FMN1: variants seen among roughly 807,000 people sequenced by gnomAD.
The protein encoded by FMN1 is formin 1, also known as formin-1.
Under a neutral mutation model 132.4 loss-of-function variants are expected in FMN1, and 110 were observed. That is an observed-to-expected ratio of 0.83 (90% confidence interval 0.71 to 0.97). The LOEUF is 0.97. FMN1 is among the 50% of genes least tolerant of loss of function. The pLI, the probability that FMN1 is intolerant of heterozygous loss-of-function variation, is 0.00. For missense variants in FMN1, 1,792 were observed against 1,705.3 expected (o/e 1.05, Z -0.90); for synonymous variants, 722 against 651.7 (o/e 1.11, Z -1.64).
intron 16 of FMN1, among the ~76,000 whole-genome samples, chr15:32,872,933 A>T (rs1346659419): frequency 7.3e-6 from 1 of 137,766 alleles, no homozygotes; most frequent in Non-Finnish European, 1.6e-5. Context: ...TAAAGAGAAG[A>T]GAGGGAAAAA....
chr15:33,122,697 T>C (rs1015265505), intron 4 of FMN1, among the ~76,000 whole-genome samples: 1 of 152,198 alleles, frequency 6.6e-6, no homozygotes, highest in African/African-American at 2.4e-5. Context: ...AATTGGCACA[T>C]GCTGGCCTAT....
At chr15:33,146,553 G>A (rs1406664631) in intron 4 of FMN1, among the ~76,000 whole-genome samples, 2 of 151,210 alleles carry the variant, frequency 1.3e-5, no homozygotes, top group Non-Finnish European at 2.9e-5. Flanking sequence ...CCATGACTGT[G>A]AAAAAAAAAT....
chr15:32,768,576 T>C lies in FMN1; in HGVS notation c.*5734A>G, dbSNP rs1458648347. Reference sequence around the variant, plus strand: ...GTAGAATTTAGGAAAATGTTCAGCCTATGTGAGAGCTATAGTGTGGTAGAG... The same window carrying C: ...GTAGAATTTAGGAAAATGTTCAGCCCATGTGAGAGCTATAGTGTGGTAGAG... On this transcript the variant is annotated 3_prime_UTR_variant, in exon 21 of 21. Coordinates refer to ENST00000616417, the MANE Select transcript of FMN1 (RefSeq NM_001277313.2). 1 of 152,212 alleles carries C rather than the reference T, an allele frequency of 6.6e-6. No homozygotes were observed. The allele number at this position is 152,212 out of a possible 1,614,324, so 9.4% of individuals were successfully genotyped here. A position where few individuals can be genotyped will look rare whatever the true frequency, so the allele number is the denominator to read the frequency against.
intron 19 of FMN1, among the ~76,000 whole-genome samples, chr15:32,793,606 T>TTTA (rs2057169608): frequency 6.6e-6 from 1 of 152,224 alleles, no homozygotes; most frequent in African/African-American, 2.4e-5. Flanking sequence ...GACAATGTTG[T>TTTA]TTATCAGTTA....
At chr15:33,018,393 C>A (rs1472700822) in intron 6 of FMN1, among the ~76,000 whole-genome samples, 7 of 152,108 alleles carry the variant, frequency 4.6e-5, no homozygotes, top group Non-Finnish European at 1.0e-4. Context: ...AGTTCCACCT[C>A]CCAACCTATG....
intron 3 of FMN1, among the ~76,000 whole-genome samples, chr15:33,162,868 G>A (rs942802969): frequency 6.6e-6 from 1 of 152,212 alleles, no homozygotes; most frequent in African/African-American, 2.4e-5. Flanking sequence ...TGTAATCCCA[G>A]CACTTTGGGA....
At chr15:32,817,819 T>C (rs1040052727) in intron 17 of FMN1, among the ~76,000 whole-genome samples, 10 of 152,212 alleles carry the variant, frequency 6.6e-5, no homozygotes, top group African/African-American at 2.4e-4. Flanking sequence ...CACCTTTCAA[T>C]CATAACTGTC....
chr15:33,128,708 T>C (rs1223029617), intron 4 of FMN1, among the ~76,000 whole-genome samples: 1 of 152,190 alleles, frequency 6.6e-6, no homozygotes, highest in Admixed American at 6.5e-5. Flanking sequence ...CCGCGGACCC[T>C]CACGGTAAGT....
chr15:32,946,156 G>A (rs347919), intron 9 of FMN1, among the ~76,000 whole-genome samples: 2,462 of 152,292 alleles, frequency 0.016, 68 homozygotes, highest in African/African-American at 0.057. Context: ...GTTAGGGTTT[G>A]CGGTGTTATG....
chr15:33,004,902 G>C (rs2034328707), intron 7 of FMN1, among the ~76,000 whole-genome samples: 1 of 152,080 alleles, frequency 6.6e-6, no homozygotes, highest in Non-Finnish European at 1.5e-5. Flanking sequence ...CATGGATGAA[G>C]CTGGAAACCA....
Position 33,194,640 on chromosome 15 carries a change from T to C in FMN1, c.-411A>G, listed in dbSNP as rs1966209975. On this transcript the variant is annotated 5_prime_UTR_variant, in exon 1 of 21. Coordinates refer to ENST00000616417, the MANE Select transcript of FMN1 (RefSeq NM_001277313.2). Reference sequence around the variant, plus strand: ...TACTCGGGAGGCTGAGGCAGGAGGATTGCTTACGGCAACAGCCGTGGCGGC... The same window carrying C: ...TACTCGGGAGGCTGAGGCAGGAGGACTGCTTACGGCAACAGCCGTGGCGGC... 1.3e-5 allele frequency: 2 copies of C among 152,330 alleles called. No individual in the cohort carries two copies. Among genetic ancestry groups the C allele is most frequent in the South Asian group, 2.1e-4 (1 of 4,800 alleles). The allele number at this position is 152,330 out of a possible 1,614,324, so 9.4% of individuals were successfully genotyped here.
At chr15:32,853,400 G>T (rs2059053266) in intron 17 of FMN1, among the ~76,000 whole-genome samples, 1 of 152,146 alleles carries the variant, frequency 6.6e-6, no homozygotes, top group Admixed American at 6.5e-5. Context: ...GCTTATGGCA[G>T]TAATTTTTCT....
At position 33,194,713 on chromosome 15, in the gene FMN1, G is replaced by A. The variant is rs948811166; in HGVS notation, c.-484C>T. ...CTCCAGTCCAGAGCCAAAGCCCAAA[G>A]GGGCAGCTGCGCCGACCTCCACCGA... On this transcript the variant is annotated 5_prime_UTR_variant, in exon 1 of 21. Coordinates refer to ENST00000616417, the MANE Select transcript of FMN1 (RefSeq NM_001277313.2). 1 of 152,476 alleles carries A rather than the reference G, an allele frequency of 6.6e-6. No individual in the cohort carries two copies. Among genetic ancestry groups the A allele is most frequent in the Non-Finnish European group, 1.5e-5 (1 of 68,252 alleles). 9.4% of individuals were successfully genotyped at this position (152,476 alleles called of 1,614,324 possible).
chr15:33,115,024 TAG>T (rs1184279528), intron 4 of FMN1, among the ~76,000 whole-genome samples: 1 of 152,178 alleles, frequency 6.6e-6, no homozygotes, highest in Non-Finnish European at 1.5e-5. Context: ...ATTGATTTTA[TAG>T]AGTCCTCAAG....
Position 33,040,561 on chromosome 15 carries a change from A to C in FMN1, c.2161+24396T>G, listed in dbSNP as rs17235498. Among the ~76,000 whole-genome samples the C allele has an allele frequency of 7.7e-3, 1,168 of 152,386 alleles. 11 individuals are homozygous for C. Among genetic ancestry groups the C allele is most frequent in the Non-Finnish European group, 0.013 (889 of 68,040 alleles). ...GAATTAATAACAGCACCAATGAATT[A>C]GACACTAATAATATGCTAGGTATTA... On this transcript the variant is annotated intron_variant, in intron 6 of 20. Transcript: ENST00000616417.
In FMN1 at chr15:32,902,024, C is replaced by T. The variant is rs1387914812; in HGVS notation, c.3394G>A (p.Ala1132Thr). Reference sequence around the variant, plus strand: ...CGTTCAGCAAAATTAGGAATCTGGGCTAACTCATGTAAAAATCTGTAAAAA... The same window carrying T: ...CGTTCAGCAAAATTAGGAATCTGGGTTAACTCATGTAAAAATCTGTAAAAA... ...DKPEQFLHEL[A>T]QIPNFAERAQ... The change falls in exon 13 of 21, where the codon GCC (alanine) becomes ACC (threonine). Residue 1132 changes from alanine (A) to threonine (T), a missense_variant. Ala to Thr is a moderately conservative substitution (Grantham distance 58). Coordinates refer to ENST00000616417, the MANE Select transcript of FMN1 (RefSeq NM_001277313.2). 1 of 1,609,870 alleles carries T rather than the reference C, an allele frequency of 6.2e-7. No homozygotes were observed. Among genetic ancestry groups the T allele is most frequent in the Non-Finnish European group, 8.5e-7 (1 of 1,178,626 alleles).
chr15:32,895,302 T>C (rs1596208229), intron 15 of FMN1, among the ~76,000 whole-genome samples: 1 of 134,400 alleles, frequency 7.4e-6, no homozygotes, highest in East Asian at 2.1e-4. Flanking sequence ...CTGTCTGACA[T>C]GAAGAAAAAA....
intron 5 of FMN1, among the ~76,000 whole-genome samples, chr15:33,084,358 G>A (rs547282834): frequency 6.6e-6 from 1 of 152,306 alleles, no homozygotes; most frequent in Non-Finnish European, 1.5e-5. Flanking sequence ...TGAACCCGAA[G>A]AGGGGGTCAT....
rs2059553410 is a variant in FMN1, at chr15:32,873,050, C to T, written c.3835+15122G>A. Among the ~76,000 whole-genome samples, 2 of 152,156 alleles carry T rather than the reference C, an allele frequency of 1.3e-5. 1 individual carries two copies. Among genetic ancestry groups the T allele is most frequent in the African/African-American group, 4.8e-5 (2 of 41,414 alleles). Reference sequence around the variant, plus strand: ...ACTGGCAAAGCATGGAGCTGGCAGCCACTGCTAATCAGTTTGCCACTGTCT... The same window carrying T: ...ACTGGCAAAGCATGGAGCTGGCAGCTACTGCTAATCAGTTTGCCACTGTCT... On this transcript the variant is annotated intron_variant, in intron 16 of 20. Coordinates refer to ENST00000616417, the MANE Select transcript of FMN1 (RefSeq NM_001277313.2).
Sources: gnomAD v4.1 joint callset for allele counts (sites outside exome capture counted in the v4.1 genomes callset) on GRCh38, gnomAD v4.1.1 for gene constraint, MANE v1.5 for transcripts, NCBI Gene and HGNC (gene_info 2026-07-23, HGNC 2026-07-21) for gene names.